Variants in SLC10A7 observed in about 807,000 individuals in gnomAD.
SLC10A7 encodes solute carrier family 10 member 7.
A neutral mutation model predicts 43.2 loss-of-function variants in SLC10A7; 29 were observed. That is an observed-to-expected ratio of 0.67 (90% confidence interval 0.50 to 0.92). The LOEUF (loss-of-function observed/expected upper bound fraction) is 0.92, where lower values mean the gene tolerates loss of function less well. Among genes scored for constraint, SLC10A7 ranks in the 40% least tolerant of loss-of-function variants. The pLI, the probability that SLC10A7 is intolerant of heterozygous loss-of-function variation, is 0.00. For missense variants in SLC10A7, 295 were observed against 403.2 expected (o/e 0.73, Z 2.30); for synonymous variants, 152 against 144.8 (o/e 1.05, Z -0.35).
At chr4:146,337,098 T>C (rs1248031519) in intron 5 of SLC10A7, among the ~76,000 whole-genome samples, 1 of 152,068 alleles carries the variant, frequency 6.6e-6, no homozygotes, top group Admixed American at 6.6e-5. Flanking sequence ...TTCTATCATT[T>C]TCCAAAAGAT....
At chr4:146,388,777 A>C (rs369043585) in intron 5 of SLC10A7, among the ~76,000 whole-genome samples, 1,624 of 152,002 alleles carry the variant, frequency 0.011, 23 homozygotes, top group African/African-American at 0.024. Context: ...AACAACAAAA[A>C]AAAAAACCCT....
chr4:146,503,771 T>G, intron 4 of SLC10A7, 78 bp downstream of exon 4: 1 of 1,358,064 alleles, frequency 7.4e-7, no homozygotes, highest in South Asian at 1.2e-5. Context: ...CAACCCTTCA[T>G]GTCCAAAAAT....
At chr4:146,516,936 A>G (rs1738059262) in intron 2 of SLC10A7, 102 bp downstream of exon 2, 1 of 831,160 alleles carries the variant, frequency 1.2e-6, no homozygotes, top group East Asian at 2.6e-5. Context: ...TGAATCCTTC[A>G]GATTATAGCT....
intron 5 of SLC10A7, among the ~76,000 whole-genome samples, chr4:146,365,659 G>A (rs1176024271): frequency 6.6e-6 from 1 of 152,208 alleles, no homozygotes; most frequent in Non-Finnish European, 1.5e-5. Flanking sequence ...AGATAGACAA[G>A]TATGTATTTA....
intron 10 of SLC10A7, among the ~76,000 whole-genome samples, chr4:146,262,113 C>G (rs1479985000): frequency 6.6e-6 from 1 of 152,184 alleles, no homozygotes; most frequent in Non-Finnish European, 1.5e-5. Context: ...AGAGTTTCTT[C>G]TAAATCTATT....
At chr4:146,285,560 T>A (rs898013406) in intron 9 of SLC10A7, among the ~76,000 whole-genome samples, 6 of 152,196 alleles carry the variant, frequency 3.9e-5, no homozygotes, top group African/African-American at 1.4e-4. Flanking sequence ...TGTGGCACAA[T>A]GTAAATGTTG....
chr4:146,407,869 C>A (rs572857932), intron 5 of SLC10A7, among the ~76,000 whole-genome samples: 1 of 152,234 alleles, frequency 6.6e-6, no homozygotes, highest in South Asian at 2.1e-4. Flanking sequence ...ACTCTCAGGG[C>A]AGAAGGACTG....
At chr4:146,317,152 A>G (rs1158407212) in intron 6 of SLC10A7, among the ~76,000 whole-genome samples, 1 of 152,126 alleles carries the variant, frequency 6.6e-6, no homozygotes, top group Non-Finnish European at 1.5e-5. Context: ...GCTTCATAAT[A>G]AAGAATATGT....
intron 5 of SLC10A7, among the ~76,000 whole-genome samples, chr4:146,415,247 T>C (rs1410212186): frequency 1.3e-5 from 2 of 152,198 alleles, no homozygotes; most frequent in Non-Finnish European, 2.9e-5. Flanking sequence ...CATGACATAA[T>C]GGAAAGTAGA....
intron 4 of SLC10A7, among the ~76,000 whole-genome samples, chr4:146,489,716 C>T (rs1735225697): frequency 6.6e-6 from 1 of 152,128 alleles, no homozygotes; most frequent in Admixed American, 6.5e-5. Context: ...CCTTCCAGAA[C>T]AGAAATCAGA....
intron 4 of SLC10A7, among the ~76,000 whole-genome samples, chr4:146,498,785 G>T (rs1241945221): frequency 2.0e-5 from 3 of 152,072 alleles, no homozygotes; most frequent in Non-Finnish European, 4.4e-5. Flanking sequence ...ATTCTAATTG[G>T]CTCACTGAAA....
chr4:146,511,283 G>A (rs554333018), intron 2 of SLC10A7, among the ~76,000 whole-genome samples: 47 of 152,260 alleles, frequency 3.1e-4, no homozygotes, highest in South Asian at 1.5e-3. Context: ...TTGCATTTGA[G>A]TTTATATTGT....
chr4:146,350,151 G>C (rs1216551060), intron 5 of SLC10A7, among the ~76,000 whole-genome samples: 1 of 148,072 alleles, frequency 6.8e-6, no homozygotes, highest in Non-Finnish European at 1.5e-5. Flanking sequence ...GTGCCAGACA[G>C]TGGGCGCAGG....
intron 5 of SLC10A7, among the ~76,000 whole-genome samples, chr4:146,386,419 C>G (rs555671506): frequency 1.3e-5 from 2 of 152,266 alleles, no homozygotes; most frequent in South Asian, 4.2e-4. Flanking sequence ...TATCCTTTAC[C>G]TGCACTCACC....
At chr4:146,491,500 G>A (rs1429869667) in intron 4 of SLC10A7, among the ~76,000 whole-genome samples, 1 of 151,934 alleles carries the variant, frequency 6.6e-6, no homozygotes, top group African/African-American at 2.4e-5. Flanking sequence ...CAAGATTGGA[G>A]AGAAGGAAAA....
chr4:146,342,800 G>A (rs1043352662), intron 5 of SLC10A7, among the ~76,000 whole-genome samples: 7 of 151,722 alleles, frequency 4.6e-5, no homozygotes, highest in African/African-American at 1.7e-4. Context: ...GGTGCTGTGG[G>A]ACCTTCCAGA....
chr4:146,301,333 G>T (rs181132533), intron 7 of SLC10A7, among the ~76,000 whole-genome samples: 5 of 152,124 alleles, frequency 3.3e-5, no homozygotes, highest in African/African-American at 1.2e-4. Context: ...TCAGGTGAAG[G>T]ATGATGAGTA....
intron 5 of SLC10A7, among the ~76,000 whole-genome samples, chr4:146,365,915 A>G (rs573869801): frequency 7.9e-5 from 12 of 152,320 alleles, no homozygotes. Flanking sequence ...GCCAGTGAGC[A>G]TTACTGCCTG....
chr4:146,360,929 T>C (rs147429105), intron 5 of SLC10A7, among the ~76,000 whole-genome samples: 319 of 152,160 alleles, frequency 2.1e-3, no homozygotes, highest in Admixed American at 4.8e-3. Context: ...CACCTATAAG[T>C]TCAATGAACT....
Sources: gnomAD v4.1 joint callset for allele counts (sites outside exome capture counted in the v4.1 genomes callset) on GRCh38, gnomAD v4.1.1 for gene constraint, MANE v1.5 for transcripts, NCBI Gene and HGNC (gene_info 2026-07-23, HGNC 2026-07-21) for gene names.